SKAP1: variants seen among roughly 807,000 people sequenced by gnomAD.
SKAP1 encodes src kinase associated phosphoprotein 1.
In SKAP1, 44 loss-of-function variants were observed where a neutral mutation model predicts 58.5. The ratio of observed to expected loss-of-function variants is 0.75; its 90% CI spans 0.59 to 0.97. The LOEUF (loss-of-function observed/expected upper bound fraction) is 0.97, where lower values mean the gene tolerates loss of function less well. Ranked by LOEUF, SKAP1 falls within the 50% of genes least tolerant of loss-of-function variation. SKAP1 has a pLI of 0.00. For synonymous variants in SKAP1, 127 were observed against 149.7 expected (o/e 0.85, Z 1.11); for missense variants, 390 against 435.2 (o/e 0.90, Z 0.92).
At chr17:48,225,361 T>C (rs1476505557) in intron 4 of SKAP1, among the ~76,000 whole-genome samples, 1 of 152,204 alleles carries the variant, frequency 6.6e-6, no homozygotes, top group African/African-American at 2.4e-5. Flanking sequence ...ACACATTTAT[T>C]TATCAAGTAG....
chr17:48,298,043 G>A (rs776945326), intron 4 of SKAP1, among the ~76,000 whole-genome samples: 19 of 152,184 alleles, frequency 1.2e-4, no homozygotes, highest in Non-Finnish European at 1.0e-4. Flanking sequence ...AGGGCTGACT[G>A]CAGCCTATAC....
intron 4 of SKAP1, among the ~76,000 whole-genome samples, chr17:48,261,853 T>G (rs1344793527): frequency 7.5e-6 from 1 of 133,826 alleles, no homozygotes; most frequent in East Asian, 2.3e-4. Context: ...GAAAGAATAT[T>G]GAAAAAGTTC....
intron 4 of SKAP1, among the ~76,000 whole-genome samples, chr17:48,298,227 T>C (rs1338146036): frequency 6.6e-6 from 1 of 152,220 alleles, no homozygotes; most frequent in Non-Finnish European, 1.5e-5. Context: ...CGGACTTCTA[T>C]AAAGAACCTG....
intron 11 of SKAP1, among the ~76,000 whole-genome samples, chr17:48,152,566 A>G (rs562360546): frequency 2.8e-4 from 42 of 152,322 alleles, no homozygotes; most frequent in African/African-American, 1.0e-3. Flanking sequence ...AATGGAGGGA[A>G]TGTCACAGTT....
chr17:48,402,437 C>T (rs1191962056), intron 1 of SKAP1, among the ~76,000 whole-genome samples: 2 of 151,610 alleles, frequency 1.3e-5, no homozygotes, highest in Non-Finnish European at 2.9e-5. Flanking sequence ...TCAAGTGATT[C>T]TCGTGCCTCA....
At chr17:48,199,277 A>C (rs1310869333) in intron 4 of SKAP1, among the ~76,000 whole-genome samples, 1 of 152,170 alleles carries the variant, frequency 6.6e-6, no homozygotes, top group Non-Finnish European at 1.5e-5. Flanking sequence ...GATGAAACTC[A>C]AACTCTCCAG....
intron 4 of SKAP1, among the ~76,000 whole-genome samples, chr17:48,327,395 G>A (rs1238838885): frequency 6.6e-6 from 1 of 152,220 alleles, no homozygotes; most frequent in African/African-American, 2.4e-5. Context: ...TGATAGAGCA[G>A]AAAATAAATC....
At chr17:48,163,796 A>T (rs1386240978) in intron 10 of SKAP1, among the ~76,000 whole-genome samples, 1 of 152,198 alleles carries the variant, frequency 6.6e-6, no homozygotes, top group Admixed American at 6.5e-5. Context: ...ACTTACGAGC[A>T]ATTTAAATAA....
chr17:48,395,209 A>G (rs1404106728), intron 2 of SKAP1, among the ~76,000 whole-genome samples: 2 of 152,182 alleles, frequency 1.3e-5, no homozygotes, highest in Non-Finnish European at 2.9e-5. Context: ...AATAATATGC[A>G]GCTGACAGTA....
At chr17:48,377,798 A>C (rs1295887786) in intron 2 of SKAP1, among the ~76,000 whole-genome samples, 1 of 152,168 alleles carries the variant, frequency 6.6e-6, no homozygotes, top group African/African-American at 2.4e-5. Context: ...GCTCAGGCTG[A>C]CCAGAGAAGA....
At position 48,192,612 on chromosome 17, in the gene SKAP1, G is replaced by A. The variant is rs565018207; in HGVS notation, c.281-3112C>T. Among the ~76,000 whole-genome samples the A allele has an allele frequency of 2.6e-5, 4 of 152,220 alleles. No homozygotes were observed. The East Asian group carries it at 5.8e-4, about 22-fold the overall frequency. On this transcript the variant is annotated intron_variant, in intron 4 of 12. Coordinates refer to ENST00000336915, the MANE Select transcript of SKAP1 (RefSeq NM_003726.4). Reference sequence around the variant, plus strand: ...AGATGTTAAGACTCCAGGCCCCAGCGGGGTGACAGAGACAGCCCCTGTGAG... The same window carrying A: ...AGATGTTAAGACTCCAGGCCCCAGCAGGGTGACAGAGACAGCCCCTGTGAG...
intron 3 of SKAP1, 34 bp downstream of exon 3, chr17:48,363,755 A>G: frequency 6.4e-7 from 1 of 1,571,786 alleles, no homozygotes; most frequent in Non-Finnish European, 8.7e-7. Context: ...ACACATTTTT[A>G]GCATAAAACC....
At chr17:48,347,849 G>T (rs2066743475) in intron 3 of SKAP1, among the ~76,000 whole-genome samples, 1 of 152,168 alleles carries the variant, frequency 6.6e-6, no homozygotes, top group Non-Finnish European at 1.5e-5. Flanking sequence ...TGCCTGGCTA[G>T]TAACCTGAAA....
chr17:48,319,985 G>A (rs1196884741), intron 4 of SKAP1, among the ~76,000 whole-genome samples: 1 of 151,656 alleles, frequency 6.6e-6, no homozygotes, highest in Non-Finnish European at 1.5e-5. Context: ...TCTATTAAAT[G>A]GACAAATAAT....
intron 4 of SKAP1, among the ~76,000 whole-genome samples, chr17:48,327,444 A>C (rs1182949358): frequency 6.6e-6 from 1 of 152,184 alleles, no homozygotes; most frequent in Non-Finnish European, 1.5e-5. Context: ...TCTGCACTTT[A>C]ATTTCTCTTT....
the SKAP1 span, among the ~76,000 whole-genome samples, chr17:48,444,974 T>C: frequency 6.6e-6 from 1 of 152,116 alleles, no homozygotes; most frequent in Non-Finnish European, 1.5e-5. Context: ...CTGAGTAGAA[T>C]ACCAAACGAG....
At chr17:48,143,047 G>A (rs548497605) in intron 11 of SKAP1, among the ~76,000 whole-genome samples, 4 of 150,810 alleles carry the variant, frequency 2.7e-5, no homozygotes, top group Admixed American at 2.6e-4. Context: ...GAACTCCTGG[G>A]TTCAAGCAAT....
At chr17:48,233,869 T>A (rs1290463837) in intron 4 of SKAP1, among the ~76,000 whole-genome samples, 2 of 151,618 alleles carry the variant, frequency 1.3e-5, no homozygotes, top group African/African-American at 2.4e-5. Flanking sequence ...AAAAAAAAAA[T>A]GTTTACTTAG....
intron 4 of SKAP1, among the ~76,000 whole-genome samples, chr17:48,265,583 C>T (rs373479096): frequency 6.6e-6 from 1 of 151,756 alleles, no homozygotes; most frequent in Non-Finnish European, 1.5e-5. Flanking sequence ...CACACAAAAC[C>T]TCAAATTATT....
Sources: gnomAD v4.1 joint callset for allele counts (sites outside exome capture counted in the v4.1 genomes callset) on GRCh38, gnomAD v4.1.1 for gene constraint, MANE v1.5 for transcripts, NCBI Gene and HGNC (gene_info 2026-07-23, HGNC 2026-07-21) for gene names.